SNX9: variants seen among roughly 807,000 people sequenced by gnomAD.
SNX9 encodes sorting nexin 9.
Under a neutral mutation model 89.4 loss-of-function variants are expected in SNX9, and 44 were observed. The ratio of observed to expected loss-of-function variants is 0.49; its 90% CI spans 0.39 to 0.63. The LOEUF (loss-of-function observed/expected upper bound fraction) is 0.63, where lower values mean the gene tolerates loss of function less well. SNX9 is among the 30% of genes least tolerant of loss of function. SNX9 has a pLI of 0.00. For missense variants in SNX9, 578 were observed against 736.1 expected (o/e 0.79, Z 2.49); for synonymous variants, 236 against 247.8 (o/e 0.95, Z 0.45).
chr6:157,894,439 T>C (rs1173390394), intron 4 of SNX9, among the ~76,000 whole-genome samples: 3 of 140,106 alleles, frequency 2.1e-5, no homozygotes, highest in Non-Finnish European at 4.5e-5. Flanking sequence ...TTAACTCAGT[T>C]CCAGACAGAT....
At chr6:157,851,968 C>G (rs1164006724) in intron 1 of SNX9, among the ~76,000 whole-genome samples, 1 of 152,144 alleles carries the variant, frequency 6.6e-6, no homozygotes, top group Non-Finnish European at 1.5e-5. Context: ...TGTATCCGAA[C>G]TTCATTTCTT....
chr6:157,928,373 A>T (rs1783737996), intron 11 of SNX9, among the ~76,000 whole-genome samples: 1 of 152,286 alleles, frequency 6.6e-6, no homozygotes, highest in Non-Finnish European at 1.5e-5. Flanking sequence ...TTTAAAATTC[A>T]CAAAGAATTG....
chr6:157,883,260 G>T (rs1782664718), intron 4 of SNX9, among the ~76,000 whole-genome samples: 2 of 152,160 alleles, frequency 1.3e-5, no homozygotes, highest in South Asian at 2.1e-4. Context: ...CACTTATACG[G>T]TATAGTGTAA....
chr6:157,844,355 G>C, intron 1 of SNX9, among the ~76,000 whole-genome samples: 1 of 152,094 alleles, frequency 6.6e-6, no homozygotes, highest in East Asian at 1.9e-4. Context: ...TTGGTCAGGG[G>C]TGAAATCACA....
chr6:157,831,803 G>A (rs1228257872), intron 1 of SNX9, among the ~76,000 whole-genome samples: 1 of 152,198 alleles, frequency 6.6e-6, no homozygotes, highest in Non-Finnish European at 1.5e-5. Flanking sequence ...AGTTGTTTCA[G>A]TCTGGCAGTG....
intron 7 of SNX9, among the ~76,000 whole-genome samples, chr6:157,907,968 T>G (rs1467451042): frequency 1.3e-5 from 2 of 152,246 alleles, no homozygotes; most frequent in Admixed American, 1.3e-4. Flanking sequence ...GAGGGGGTTA[T>G]AGTAATTGTT....
intron 4 of SNX9, among the ~76,000 whole-genome samples, chr6:157,886,482 C>G (rs1583217214): frequency 6.6e-6 from 1 of 152,186 alleles, no homozygotes; most frequent in East Asian, 1.9e-4. Flanking sequence ...AATCACTACT[C>G]TTTACACTAG....
At chr6:157,837,385 A>G (rs1381389934) in intron 1 of SNX9, among the ~76,000 whole-genome samples, 1 of 152,030 alleles carries the variant, frequency 6.6e-6, no homozygotes, top group African/African-American at 2.4e-5. Context: ...TTTGCATTGT[A>G]TAATATGTTC....
chr6:157,933,089 G>C (rs924850599), intron 13 of SNX9, among the ~76,000 whole-genome samples: 2 of 151,860 alleles, frequency 1.3e-5, no homozygotes, highest in Non-Finnish European at 2.9e-5. Context: ...AAAAGGGAAA[G>C]GAACCCAGGC....
In SNX9 at chr6:157,826,822, A is replaced by AAAT. The variant is rs1781359080; in HGVS notation, c.12+3376_12+3377insAAT. Among the ~76,000 whole-genome samples the AAAT allele has an allele frequency of 1.9e-5, 2 of 105,296 alleles. 1 individual carries two copies. The highest frequency in any genetic ancestry group is 9.6e-5 in the African/African-American group (2 of 20,886). 69.1% of individuals were successfully genotyped at this position (105,296 alleles called of 152,430 possible). A position where few individuals can be genotyped will look rare whatever the true frequency, so the allele number is the denominator to read the frequency against. ...TATTATATTTTATATATAAATATAT[A>AAAT]TTATATTTTATATATATATTATATT... On this transcript the variant is annotated intron_variant, in intron 1 of 17. Coordinates refer to ENST00000392185, the MANE Select transcript of SNX9 (RefSeq NM_016224.5).
intron 1 of SNX9, among the ~76,000 whole-genome samples, chr6:157,844,584 C>CTTTTTTTTTTT (rs1562592153): frequency 2.2e-5 from 3 of 138,634 alleles, no homozygotes; most frequent in Admixed American, 7.0e-5. Context: ...GTGGCTAATC[C>CTTTTTTTTTTT]TTGTTTTTTT....
intron 1 of SNX9, among the ~76,000 whole-genome samples, chr6:157,840,076 C>T (rs375371233): frequency 4.0e-5 from 6 of 150,838 alleles, no homozygotes; most frequent in South Asian, 2.1e-4. Context: ...CTTTGGATCT[C>T]GGGAAAGAGC....
intron 7 of SNX9, 67 bp downstream of exon 7, chr6:157,906,279 T>C: frequency 8.1e-7 from 1 of 1,237,326 alleles, no homozygotes; most frequent in Non-Finnish European, 1.1e-6. Flanking sequence ...ACTTTAAAGC[T>C]AAGCGAGTTA....
chr6:157,902,911 G>T (rs1015077732), intron 6 of SNX9, among the ~76,000 whole-genome samples: 7 of 151,034 alleles, frequency 4.6e-5, no homozygotes, highest in African/African-American at 9.7e-5. Flanking sequence ...CAAGTGATCC[G>T]CCCGCCTCTA....
At chr6:157,858,915 C>T (rs1234490466) in intron 1 of SNX9, among the ~76,000 whole-genome samples, 4 of 152,162 alleles carry the variant, frequency 2.6e-5, no homozygotes, top group African/African-American at 4.8e-5. Flanking sequence ...CTGGCCCTGC[C>T]CTTGACACAT....
intron 13 of SNX9, chr6:157,934,398 TAGA>T (rs2115213025): frequency 6.6e-6 from 1 of 152,338 alleles, no homozygotes; most frequent in East Asian, 1.9e-4. Context: ...ACATAATTAT[TAGA>T]AAACAAATTT....
intron 3 of SNX9, among the ~76,000 whole-genome samples, 161 bp downstream of exon 3, chr6:157,873,337 A>G (rs1041048434): frequency 1.3e-5 from 2 of 151,122 alleles, no homozygotes; most frequent in Non-Finnish European, 3.0e-5. Flanking sequence ...ACATTGAAAT[A>G]GAACTAAGAA....
At chr6:157,917,930 C>T (rs537319409) in intron 9 of SNX9, among the ~76,000 whole-genome samples, 83 of 152,174 alleles carry the variant, frequency 5.5e-4, no homozygotes, top group African/African-American at 1.9e-3. Context: ...CTGGCCATTT[C>T]CTGAATTTTT....
At chr6:157,891,479 C>G (rs11966005) in intron 4 of SNX9, among the ~76,000 whole-genome samples, 2 of 152,142 alleles carry the variant, frequency 1.3e-5, no homozygotes, top group East Asian at 1.9e-4. Flanking sequence ...TAAGGCAAAT[C>G]TGATTTCCTC....
Sources: allele counts gnomAD v4.1 joint callset (sites outside exome capture counted in the v4.1 genomes callset), GRCh38; gene constraint gnomAD v4.1.1; transcripts MANE v1.5; gene names NCBI Gene and HGNC (gene_info 2026-07-23, HGNC 2026-07-21).